The following HFM1 variants were observed in gnomAD, a reference collection of about 807,000 sequenced individuals.
The protein encoded by HFM1 is probable ATP-dependent DNA helicase HFM1.
HFM1 carries 169 observed loss-of-function variants against 192.1 expected under a neutral mutation model. The observed-to-expected ratio is 0.88, with a 90% CI of 0.78 to 1.00. HFM1 has a LOEUF of 1.00. Among genes scored for constraint, HFM1 ranks in the 50% least tolerant of loss-of-function variants. The pLI is 0.00. For missense variants in HFM1, 1,661 were observed against 1,668.0 expected, an observed-to-expected ratio of 1.00 and a Z score of 0.07; for synonymous variants, 525 against 537.8, an observed-to-expected ratio of 0.98 and a Z score of 0.33.
intron 20 of HFM1, among the ~76,000 whole-genome samples, chr1:91,341,905 C>T (rs960539472): frequency 7.9e-5 from 12 of 151,654 alleles, no homozygotes; most frequent in African/African-American, 2.9e-4. Flanking sequence ...AAACTGAAAC[C>T]CTGAACAGAC....
chr1:91,396,292 C>T lies in HFM1; in HGVS notation c.184+1G>A, dbSNP rs1296795632. 2.1e-6 allele frequency: 3 copies of T among 1,423,542 alleles called. No homozygotes were observed. The highest frequency in any genetic ancestry group is 1.2e-5 in the South Asian group (1 of 82,904). The allele number at this position is 1,423,542 out of a possible 1,614,324, so 88.2% of individuals were successfully genotyped here. ...TTCAAAACAAATATGTGATAATTTA[C>T]CTAACAGTTTATGACTTTCTAATTC... On this transcript the variant is annotated splice_donor_variant, in intron 3 of 38. Coordinates refer to ENST00000370425, the MANE Select transcript of HFM1 (RefSeq NM_001017975.6). LOFTEE classifies it high-confidence loss of function.
chr1:91,373,998 T>C (rs1268140522), intron 13 of HFM1, among the ~76,000 whole-genome samples: 1 of 152,130 alleles, frequency 6.6e-6, no homozygotes, highest in Non-Finnish European at 1.5e-5. Context: ...TAGTAAGTGC[T>C]ATGAAATCAA....
Position 91,375,378 on chromosome 1 carries a change from C to A in HFM1, c.1665G>T (p.Met555Ile). 3 of 1,612,164 alleles carry A rather than the reference C, an allele frequency of 1.9e-6. No individual in the cohort carries two copies. The highest frequency in any genetic ancestry group is 2.5e-6 in the Non-Finnish European group (3 of 1,178,646). The change falls in exon 13 of 39, where the codon ATG becomes ATT. Residue 555 changes from methionine to isoleucine, a missense_variant. Physicochemically the swap from Met to Ile is conservative, Grantham distance 10 (BLOSUM62 1). Coordinates refer to ENST00000370425, the MANE Select transcript of HFM1 (RefSeq NM_001017975.6). ...SVLVKDAKFI[M>I]TVEQKQRLQK... ...TATACCTCTGTTTCTGTTCCACAGT[C>A]ATAATAAATTTAGCATCTTTCACAA... is the stretch of plus-strand genomic sequence containing the variant.
intron 13 of HFM1, among the ~76,000 whole-genome samples, chr1:91,369,764 G>C (rs1571141781): frequency 6.6e-6 from 1 of 152,070 alleles, no homozygotes; most frequent in East Asian, 1.9e-4. Context: ...AGGAAATAGA[G>C]ACACAAAAAA....
rs183853995 is a variant in HFM1 at position 91,375,392 on chromosome 1, C to A, written c.1651G>T (p.Ala551Ser). 3.2e-4 allele frequency: 515 copies of A among 1,612,772 alleles called. No homozygotes were observed. The African/African-American group carries it at 6.0e-3, about 19-fold the overall frequency. ...QQAASVLVKD[A>S]KFIMTVEQKQ... ...TGTTCCACAGTCATAATAAATTTAG[C>A]ATCTTTCACAAGAACAGAAGCAGCC... The change falls in exon 13 of 39, where the codon GCT (alanine) becomes TCT (serine). Residue 551 changes from alanine (A) to serine (S), a missense_variant. Transcript: ENST00000370425.
chr1:91,306,512 AT>A (rs777049689), intron 30 of HFM1, among the ~76,000 whole-genome samples: 1 of 152,150 alleles, frequency 6.6e-6, no homozygotes, highest in Non-Finnish European at 1.5e-5. Context: ...CTACTTTTGA[AT>A]GGTAAGCCTC....
chr1:91,392,101 G>A (rs994423790), intron 4 of HFM1, among the ~76,000 whole-genome samples: 1 of 152,064 alleles, frequency 6.6e-6, no homozygotes, highest in African/African-American at 2.4e-5. Flanking sequence ...GAAACAACAG[G>A]TGCTGGAGAG....
At chr1:91,384,678 T>C (rs1176920261) in intron 6 of HFM1, among the ~76,000 whole-genome samples, 2 of 151,822 alleles carry the variant, frequency 1.3e-5, no homozygotes. Context: ...CATAAACTGA[T>C]AACAAACAGG....
intron 36 of HFM1, among the ~76,000 whole-genome samples, chr1:91,263,456 A>G (rs1255804123): frequency 1.3e-5 from 2 of 152,154 alleles, no homozygotes; most frequent in East Asian, 1.9e-4. Flanking sequence ...TAAAAGAAAA[A>G]GCAGGCCAGG....
chr1:91,348,804 G>C (rs755977640), intron 18 of HFM1, among the ~76,000 whole-genome samples: 11 of 152,048 alleles, frequency 7.2e-5, no homozygotes, highest in Admixed American at 3.3e-4. Flanking sequence ...TGTGCCTGTA[G>C]TACCAGCTAC....
At chr1:91,404,012 G>C (rs1664588517) in intron 1 of HFM1, among the ~76,000 whole-genome samples, 1 of 152,102 alleles carries the variant, frequency 6.6e-6, no homozygotes, top group Admixed American at 6.5e-5. Flanking sequence ...TTATTGATTT[G>C]CTAGAAATTT....
intron 30 of HFM1, among the ~76,000 whole-genome samples, chr1:91,281,977 G>A (rs1269623880): frequency 6.6e-6 from 1 of 152,122 alleles, no homozygotes; most frequent in East Asian, 1.9e-4. Flanking sequence ...TTTGTGCCTC[G>A]TAAGCATTTA....
chr1:91,269,850 A>G (rs996640069), intron 34 of HFM1, among the ~76,000 whole-genome samples: 2 of 152,154 alleles, frequency 1.3e-5, no homozygotes, highest in African/African-American at 4.8e-5. Flanking sequence ...AAGACACAGC[A>G]ATATGAGAGA....
At chr1:91,265,937 A>G in intron 36 of HFM1, 80 bp downstream of exon 36, 2 of 1,547,722 alleles carry the variant, frequency 1.3e-6, no homozygotes, top group Non-Finnish European at 1.7e-6. Context: ...GTGACATCTA[A>G]TAACTTGATC....
At chr1:91,344,119 C>T (rs957863050) in intron 19 of HFM1, among the ~76,000 whole-genome samples, 2 of 152,160 alleles carry the variant, frequency 1.3e-5, no homozygotes, top group Non-Finnish European at 2.9e-5. Context: ...TAGGTGTTTA[C>T]TTTTGTTTCT....
chr1:91,406,767 GA>G (rs1193740654), upstream of HFM1, among the ~76,000 whole-genome samples: 1 of 152,166 alleles, frequency 6.6e-6, no homozygotes, highest in African/African-American at 2.4e-5. Context: ...ACTTCTCAGT[GA>G]AACTGGTGAA....
intron 30 of HFM1, among the ~76,000 whole-genome samples, chr1:91,292,081 C>A (rs928634663): frequency 8.6e-5 from 13 of 151,948 alleles, no homozygotes; most frequent in African/African-American, 1.9e-4. Flanking sequence ...TATGACAAAC[C>A]CACAGCCAAA....
chr1:91,277,862 T>TTATATATTATATATGC (rs1667061989), intron 30 of HFM1, among the ~76,000 whole-genome samples: 2 of 13,370 alleles, frequency 1.5e-4, no homozygotes, highest in Non-Finnish European at 2.9e-4. Flanking sequence ...TTATATATAC[T>TTATATATTATATATGC]TTATATATAT....
intron 13 of HFM1, among the ~76,000 whole-genome samples, chr1:91,359,320 C>G (rs1310975725): frequency 6.6e-6 from 1 of 152,028 alleles, no homozygotes; most frequent in African/African-American, 2.4e-5. Context: ...GCTAAAGGAG[C>G]ATGTTATAAC....
Sources: gnomAD v4.1 joint callset for allele counts (sites outside exome capture counted in the v4.1 genomes callset) on GRCh38, gnomAD v4.1.1 for gene constraint, MANE v1.5 for transcripts, NCBI Gene and HGNC (gene_info 2026-07-23, HGNC 2026-07-21) for gene names.